LOX: variants seen among roughly 807,000 people sequenced by gnomAD.
The protein encoded by LOX is lysyl oxidase, also known as protein-lysine 6-oxidase.
LOX carries 12 observed loss-of-function variants against 50.5 expected under a neutral mutation model. The observed-to-expected ratio is 0.24, with a 90% CI of 0.15 to 0.38. The LOEUF is 0.38. Among genes scored for constraint, LOX ranks in the 10% least tolerant of loss-of-function variants. LOX has a pLI of 1.00. For missense variants in LOX, 504 were observed against 563.8 expected, an observed-to-expected ratio of 0.89 and a Z score of 1.07; for synonymous variants, 254 against 230.6, an observed-to-expected ratio of 1.10 and a Z score of -0.92.
At position 122,077,818 on chromosome 5, in the gene LOX, G is replaced by A. The variant is rs1036096526; in HGVS notation, c.168C>T (p.Ser56=). ...IQWENNGQVF[S]LLSLGSQYQP... is the part of the protein sequence containing the mutation. ...GGTACTGTGAGCCCAGGCTCAGCAA[G>A]CTGAACACCTGCCCGTTGTTCTCCC... Residue 56 remains serine, a synonymous_variant, in exon 1 of 7, where the codon AGC becomes AGT. Coordinates refer to ENST00000231004, the MANE Select transcript of LOX (RefSeq NM_002317.7). This position sits in a 1 kb window ranked among gnomAD's most constrained non-coding sequence, Gnocchi z 4.9. The A allele has an allele frequency of 6.4e-6, 10 of 1,551,964 alleles. No individual in the cohort carries two copies. The highest frequency in any genetic ancestry group is 1.9e-5 in the Admixed American group (1 of 51,706).
rs759346597 is a variant in LOX, at chr5:122,077,934, G to T, written c.52C>A (p.Leu18Ile). The change falls in exon 1 of 7, where the codon CTA (leucine) becomes ATA (isoleucine). Residue 18 changes from leucine to isoleucine, a missense_variant. Coordinates refer to ENST00000231004, the MANE Select transcript of LOX (RefSeq NM_002317.7). This position sits in a 1 kb window ranked among gnomAD's most constrained non-coding sequence, Gnocchi z 4.9. ...GCGGCGGGAGGGGCGCAGTGCACTA[G>T]CGCGCAGAGCTGCAAAGGCCCGAGC... ...LLLGPLQLCA[L>I]VHCAPPAAGQ... The T allele has an allele frequency of 3.3e-6, 5 of 1,501,020 alleles. No homozygotes were observed. The highest frequency in any genetic ancestry group is 2.5e-5 in the East Asian group (1 of 39,660). 93.0% of individuals were successfully genotyped at this position (1,501,020 alleles called of 1,614,324 possible). A position where few individuals can be genotyped will look rare whatever the true frequency, so the allele number is the denominator to read the frequency against.
At chr5:122,067,823 A>G (rs946104127) in intron 6 of LOX, among the ~76,000 whole-genome samples, 1 of 151,836 alleles carries the variant, frequency 6.6e-6, no homozygotes, top group Non-Finnish European at 1.5e-5. Flanking sequence ...CCTTTCCTTA[A>G]TGCTCCCCGG....
chr5:122,074,913 C>T (rs778394164), intron 3 of LOX, among the ~76,000 whole-genome samples: 1 of 152,130 alleles, frequency 6.6e-6, no homozygotes, highest in Non-Finnish European at 1.5e-5. Flanking sequence ...TGCAAAAATC[C>T]TTAAATTTAG....
At chr5:122,071,346 GT>G (rs1347680183) in intron 4 of LOX, among the ~76,000 whole-genome samples, 2 of 152,150 alleles carry the variant, frequency 1.3e-5, no homozygotes, top group Non-Finnish European at 2.9e-5. Context: ...GGCTAAGCTG[GT>G]TTTGAGTTTA....
At chr5:122,068,433 A>G (rs1754360182) in intron 6 of LOX, among the ~76,000 whole-genome samples, 1 of 152,114 alleles carries the variant, frequency 6.6e-6, no homozygotes, top group South Asian at 2.1e-4. Flanking sequence ...TTCTGATCTC[A>G]CCACATTTTA....
intron 6 of LOX, among the ~76,000 whole-genome samples, chr5:122,068,348 G>C (rs1169171791): frequency 6.6e-6 from 1 of 152,036 alleles, no homozygotes; most frequent in East Asian, 1.9e-4. Flanking sequence ...CTATGCAACA[G>C]ACCTCTCCAG....
intron 6 of LOX, 190 bp downstream of exon 6, chr5:122,069,863 C>T: frequency 3.3e-6 from 2 of 608,732 alleles, no homozygotes; most frequent in South Asian, 3.0e-5. Context: ...AAACTAAAAA[C>T]CTTAGTACAT....
At chr5:122,075,285 A>G (rs1339577745) in intron 3 of LOX, 119 bp downstream of exon 3, 1 of 891,034 alleles carries the variant, frequency 1.1e-6, no homozygotes, top group East Asian at 2.6e-5. Context: ...AAAATTCTAA[A>G]TATAAGTAAT....
At position 122,077,713 on chromosome 5, in the gene LOX, G is replaced by A; in HGVS notation, c.273C>T (p.Ile91=). Residue 91 remains isoleucine (I), a synonymous_variant, in exon 1 of 7, where the codon ATC becomes ATT. Coordinates refer to ENST00000231004, the MANE Select transcript of LOX (RefSeq NM_002317.7). The surrounding 1 kb of genome is among the most constrained non-coding windows in gnomAD (Gnocchi z 4.9). ...CGGTGCGGTTGTCGCGGATCAGCAG[G>A]ATCGGAGTGCGGGGCTGCTGGGCGG... The part of the protein sequence containing the change: ...NASAQQPRTP[I]LLIRDNRTAA... 1.9e-6 allele frequency: 3 copies of A among 1,589,616 alleles called. No individual in the cohort carries two copies.
intron 5 of LOX, 149 bp downstream of exon 5, chr5:122,070,345 A>C: frequency 1.5e-6 from 1 of 649,404 alleles, no homozygotes; most frequent in South Asian, 1.9e-5. Flanking sequence ...TCTTTAAAAT[A>C]AGACAGATTA....
At position 122,077,042 on chromosome 5, in the gene LOX, C is replaced by T; in HGVS notation, c.632-41G>A. 6.2e-7 allele frequency: 1 copy of T among 1,605,602 alleles called. No individual in the cohort carries two copies. On this transcript the variant is annotated intron_variant, in intron 1 of 6. Transcript: ENST00000231004. The surrounding 1 kb of genome is among the most constrained non-coding windows in gnomAD (Gnocchi z 4.9). Reference sequence around the variant, plus strand: ...CGACGGGCGCAGCAGTGAAACAACCCGGCGCCCCCCGCTCCAACTCCCTAC... The same window carrying T: ...CGACGGGCGCAGCAGTGAAACAACCTGGCGCCCCCCGCTCCAACTCCCTAC...
intron 4 of LOX, among the ~76,000 whole-genome samples, chr5:122,073,078 A>G (rs1171279801): frequency 6.6e-6 from 1 of 152,188 alleles, no homozygotes; most frequent in Non-Finnish European, 1.5e-5. Flanking sequence ...AGCAATGGTA[A>G]CATTTAGGTC....
rs1754698435 is a variant in LOX, at chr5:122,078,170, G to C, written c.-185C>G. ...AGACCCTTCCCCAGTCAAGGCGGCT[G>C]CTCGGACGTGGCACCCTTCCCTTTC... On this transcript the variant is annotated 5_prime_UTR_variant, in exon 1 of 7. Transcript: ENST00000231004. 6.0e-6 allele frequency: 3 copies of C among 498,942 alleles called. No individual in the cohort carries two copies. The highest frequency in any genetic ancestry group is 9.8e-6 in the Non-Finnish European group (3 of 304,810). The allele number at this position is 498,942 out of a possible 1,614,324, so 30.9% of individuals were successfully genotyped here. A position where few individuals can be genotyped will look rare whatever the true frequency, so the allele number is the denominator to read the frequency against.
Position 122,063,410 on chromosome 5 carries a change from A to G in LOX, c.*3333T>C, listed in dbSNP as rs1299436886. ...TTCACTAAAAACCTAACACCAAATG[A>G]CATGTTACTTAGTTTATAGCAAGCA... On this transcript the variant is annotated 3_prime_UTR_variant, in exon 7 of 7. Coordinates refer to ENST00000231004, the MANE Select transcript of LOX (RefSeq NM_002317.7). 3 of 151,944 alleles carry G rather than the reference A, an allele frequency of 2.0e-5. No homozygotes were observed. Among genetic ancestry groups the G allele is most frequent in the East Asian group, 3.9e-4 (2 of 5,186 alleles). 9.4% of individuals were successfully genotyped at this position (151,944 alleles called of 1,614,324 possible).
At chr5:122,068,583 G>A (rs1331471352) in intron 6 of LOX, among the ~76,000 whole-genome samples, 1 of 152,118 alleles carries the variant, frequency 6.6e-6, no homozygotes, top group Admixed American at 6.6e-5. Context: ...AGGCTGCAAG[G>A]TGGCAGACCT....
intron 3 of LOX, among the ~76,000 whole-genome samples, chr5:122,074,939 C>T (rs769329088): frequency 2.6e-5 from 4 of 152,190 alleles, no homozygotes; most frequent in Admixed American, 6.5e-5. Flanking sequence ...AAAAGGCAAC[C>T]ACCTTGGGCT....
In LOX at chr5:122,071,465, T is replaced by C. The variant is rs749570013; in HGVS notation, c.1036-876A>G. ...TTGAAGGGGTAAATGCATGACTAAA[T>C]TGATGAATGCCACATCACTCCACTT... is the stretch of plus-strand genomic sequence containing the variant. On this transcript the variant is annotated intron_variant, in intron 4 of 6. Coordinates refer to ENST00000231004, the MANE Select transcript of LOX (RefSeq NM_002317.7). 3.7e-4 allele frequency among the ~76,000 whole-genome samples: 56 copies of C among 152,144 alleles called. 2 individuals are homozygous for C. The highest frequency in any genetic ancestry group is 3.2e-3 in the Middle Eastern group (1 of 316).
At chr5:122,073,123 C>T (rs766713009) in intron 4 of LOX, among the ~76,000 whole-genome samples, 1 of 152,198 alleles carries the variant, frequency 6.6e-6, no homozygotes, top group Non-Finnish European at 1.5e-5. Flanking sequence ...CTGGAATTTG[C>T]TTCCCAAGAT....
chr5:122,075,377 A>C, intron 3 of LOX, 27 bp downstream of exon 3: 1 of 1,563,404 alleles, frequency 6.4e-7, no homozygotes, highest in Non-Finnish European at 8.6e-7. Flanking sequence ...AGCAACCCAA[A>C]AGTACCCAGG....
Sources: allele counts gnomAD v4.1 joint callset (sites outside exome capture counted in the v4.1 genomes callset), GRCh38; gene constraint gnomAD v4.1.1; non-coding constraint Gnocchi (gnomAD v3.1); transcripts MANE v1.5; gene names NCBI Gene and HGNC (gene_info 2026-07-23, HGNC 2026-07-21).